C9orf43: variants seen among roughly 807,000 people sequenced by gnomAD.
C9orf43 encodes uncharacterized protein C9orf43.
A neutral mutation model predicts 59.1 loss-of-function variants in C9orf43; 45 were observed. The observed-to-expected ratio is 0.76, with a 90% CI of 0.60 to 0.98. The LOEUF (loss-of-function observed/expected upper bound fraction) is 0.98, where lower values mean the gene tolerates loss of function less well. Ranked by LOEUF, C9orf43 falls within the 50% of genes least tolerant of loss-of-function variation. The pLI, the probability that C9orf43 is intolerant of heterozygous loss-of-function variation, is 0.00. For missense variants in C9orf43, 533 were observed against 554.9 expected, an observed-to-expected ratio of 0.96 and a Z score of 0.40; for synonymous variants, 203 against 196.8, an observed-to-expected ratio of 1.03 and a Z score of -0.26.
At chr9:113,421,023 C>A in intron 4 of C9orf43, 80 bp from the exon 5 acceptor site, 1 of 1,148,764 alleles carries the variant, frequency 8.7e-7, no homozygotes, top group South Asian at 1.3e-5. Context: ...TGCCACCAGA[C>A]TCTTTGCTTA....
chr9:113,413,856 G>A lies in C9orf43; in HGVS notation c.249G>A (p.Leu83=). ...ECTFTKAHSL[L]SQSSKFYSKF... ...CCTTTACTAAGGCCCATTCTTTATT[G>A]TCTCAGAGTTCAAAGTTTTACTCCA... is the stretch of plus-strand genomic sequence containing the variant. Residue 83 remains leucine (L), a synonymous_variant, in exon 3 of 14, where the codon TTG becomes TTA. Transcript: ENST00000374165. 1.9e-6 allele frequency: 3 copies of A among 1,612,724 alleles called. No individual in the cohort carries two copies. Among genetic ancestry groups the A allele is most frequent in the Non-Finnish European group, 2.5e-6 (3 of 1,179,652 alleles).
chr9:113,424,601 A>T (rs1436251365), intron 8 of C9orf43, among the ~76,000 whole-genome samples: 1 of 149,700 alleles, frequency 6.7e-6, no homozygotes, highest in Non-Finnish European at 1.5e-5. Flanking sequence ...ATCATGGCTC[A>T]CTGCAGCCTT....
chr9:113,411,239 T>C (rs772272347), intron 1 of C9orf43: 12 of 475,556 alleles, frequency 2.5e-5, no homozygotes, highest in Non-Finnish European at 3.3e-5. Flanking sequence ...TATTTTTCAG[T>C]TAAATTGTTC....
chr9:113,424,763 T>G (rs1242953862), intron 8 of C9orf43, among the ~76,000 whole-genome samples: 1 of 152,080 alleles, frequency 6.6e-6, no homozygotes, highest in Non-Finnish European at 1.5e-5. Flanking sequence ...TGAGCTCAGG[T>G]GATCTGCCCA....
chr9:113,415,239 G>C (rs1410189326), intron 3 of C9orf43, among the ~76,000 whole-genome samples: 1 of 151,992 alleles, frequency 6.6e-6, no homozygotes, highest in African/African-American at 2.4e-5. Flanking sequence ...CACCTCCTGG[G>C]TTCGAGTGAT....
intron 3 of C9orf43, 138 bp from the exon 4 acceptor site, chr9:113,418,970 T>G: frequency 6.4e-6 from 4 of 627,508 alleles, no homozygotes; most frequent in Non-Finnish European, 1.1e-5. Flanking sequence ...AAGGATATGG[T>G]GAGATCCTAC....
rs1828897063 is a variant in C9orf43, at chr9:113,429,192, G to A, written c.1192G>A (p.Glu398Lys). Reference sequence around the variant, plus strand: ...TTTAGGTCCTGAATTGTATGAAACAGAACCCACTAACAAGGACATTAGTGC... The same window carrying A: ...TTTAGGTCCTGAATTGTATGAAACAAAACCCACTAACAAGGACATTAGTGC... The part of the protein sequence containing the change: ...SVKSPELYET[E>K]PTNKDISAPV... The change falls in exon 14 of 14, where the codon GAA becomes AAA. Residue 398 changes from glutamate to lysine, a missense_variant. Transcript: ENST00000374165. 6.2e-7 allele frequency: 1 copy of A among 1,614,052 alleles called. No homozygotes were observed. The highest frequency in any genetic ancestry group is 8.5e-7 in the Non-Finnish European group (1 of 1,180,040).
At chr9:113,421,510 A>G (rs1259623948) in intron 5 of C9orf43, among the ~76,000 whole-genome samples, 2 of 152,056 alleles carry the variant, frequency 1.3e-5, no homozygotes, top group East Asian at 1.9e-4. Context: ...AGTTTTTCTT[A>G]TTAGCCACTT....
At chr9:113,424,349 A>T in intron 8 of C9orf43, 33 bp downstream of exon 8, 6 of 1,569,220 alleles carry the variant, frequency 3.8e-6, no homozygotes, top group Non-Finnish European at 5.2e-6. Context: ...GAAGAAGCCT[A>T]TGTGAAAATT....
At chr9:113,418,027 A>G (rs1429584685) in intron 3 of C9orf43, among the ~76,000 whole-genome samples, 1 of 152,240 alleles carries the variant, frequency 6.6e-6, no homozygotes, top group Non-Finnish European at 1.5e-5. Context: ...AGCAAGTGAT[A>G]TGAAAACATA....
In C9orf43 at chr9:113,423,191, C is replaced by T. The variant is rs759143823; in HGVS notation, c.484-135C>T. On this transcript the variant is annotated intron_variant, in intron 6 of 13. Coordinates refer to ENST00000374165, the MANE Select transcript of C9orf43 (RefSeq NM_001278629.2). Reference sequence around the variant, plus strand: ...GGGAGCTTGAGAGGGAAACATGTGGCGGCCCTCATCGTTCAGAGGAGGCAA... The same window carrying T: ...GGGAGCTTGAGAGGGAAACATGTGGTGGCCCTCATCGTTCAGAGGAGGCAA... The T allele has an allele frequency of 7.6e-5, 53 of 693,712 alleles. 2 individuals carry two copies. Among genetic ancestry groups the T allele is most frequent in the South Asian group, 6.1e-4 (31 of 50,456 alleles). The allele number at this position is 693,712 out of a possible 1,614,324, so 43.0% of individuals were successfully genotyped here.
chr9:113,417,513 G>A (rs563418923), intron 3 of C9orf43, among the ~76,000 whole-genome samples: 1 of 152,334 alleles, frequency 6.6e-6, no homozygotes, highest in Admixed American at 6.5e-5. Flanking sequence ...TAGTTGGGGA[G>A]GCAAAGAAAT....
At chr9:113,417,698 G>A (rs1170788566) in intron 3 of C9orf43, among the ~76,000 whole-genome samples, 1 of 152,196 alleles carries the variant, frequency 6.6e-6, no homozygotes, top group East Asian at 1.9e-4. Context: ...CAGGAAGCGA[G>A]TTCTAAACCA....
At position 113,428,216 on chromosome 9, in the gene C9orf43, C is replaced by G. The variant is rs538217577; in HGVS notation, c.1100C>G (p.Ser367Trp). ...QQQQMEKGTT[S>W]KQDSTERPKM... ...CAGCAGATGGAAAAAGGAACCACTT[C>G]GAAACAGGTGAGAGTGTACCAAGGC... The change falls in exon 12 of 14, where the codon TCG (serine) becomes TGG (tryptophan). Residue 367 changes from serine (S) to tryptophan (W), a missense_variant. By Grantham distance (177) the Ser-to-Trp change is radical (BLOSUM62 -3). Coordinates refer to ENST00000374165, the MANE Select transcript of C9orf43 (RefSeq NM_001278629.2). 21 of 1,614,096 alleles carry G rather than the reference C, an allele frequency of 1.3e-5. No individual in the cohort carries two copies. The South Asian group carries it at 2.2e-4, about 17-fold the overall frequency.
intron 11 of C9orf43, among the ~76,000 whole-genome samples, 163 bp from the exon 12 acceptor site, chr9:113,427,984 T>C (rs1437101563): frequency 6.6e-6 from 1 of 152,210 alleles, no homozygotes. Context: ...GTGAGCAGAA[T>C]CTCAAGTAGA....
At chr9:113,414,281 T>G (rs1007518497) in intron 3 of C9orf43, among the ~76,000 whole-genome samples, 4 of 151,960 alleles carry the variant, frequency 2.6e-5, no homozygotes, top group Non-Finnish European at 4.4e-5. Flanking sequence ...TTTTATTTAT[T>G]TTTTTTGAGA....
At chr9:113,419,010 T>C (rs1448298109) in intron 3 of C9orf43, 98 bp from the exon 4 acceptor site, 2 of 987,866 alleles carry the variant, frequency 2.0e-6, no homozygotes, top group Non-Finnish European at 1.5e-6. Flanking sequence ...AGCCCAAGGT[T>C]TTCTGTAGAT....
chr9:113,411,002 G>A lies in C9orf43; in HGVS notation c.-50+1G>A. 2.0e-6 allele frequency: 2 copies of A among 985,548 alleles called. No individual in the cohort carries two copies. Among genetic ancestry groups the A allele is most frequent in the Non-Finnish European group, 2.4e-6 (2 of 830,048 alleles). The allele number at this position is 985,548 out of a possible 1,614,324, so 61.1% of individuals were successfully genotyped here. ...CGCCCCTCACGCTTTTGTAATAATGGTACTAAGACTGAGTGTTATTTAGAT... is the reference window on the plus strand; with the variant it reads ...CGCCCCTCACGCTTTTGTAATAATGATACTAAGACTGAGTGTTATTTAGAT... On this transcript the variant is annotated splice_donor_variant, in intron 1 of 13. Transcript: ENST00000374165. LOFTEE classifies it low-confidence loss of function (5UTR_SPLICE).
At chr9:113,411,914 G>T (rs1588097937) in intron 1 of C9orf43, among the ~76,000 whole-genome samples, 1 of 152,234 alleles carries the variant, frequency 6.6e-6, no homozygotes, top group East Asian at 1.9e-4. Context: ...CAGGGCTCAA[G>T]TGATTCTCCC....
Sources: allele counts gnomAD v4.1 joint callset (sites outside exome capture counted in the v4.1 genomes callset), GRCh38; gene constraint gnomAD v4.1.1; transcripts MANE v1.5; gene names NCBI Gene and HGNC (gene_info 2026-07-23, HGNC 2026-07-21).